Variants in LINGO2 observed in about 807,000 individuals in gnomAD.
LINGO2 encodes the protein leucine rich repeat and Ig domain containing 2.
In LINGO2, 14 loss-of-function variants were observed where a neutral mutation model predicts 30.6. The ratio of observed to expected loss-of-function variants is 0.46; its 90% CI spans 0.30 to 0.72. The LOEUF (loss-of-function observed/expected upper bound fraction) is 0.72, where lower values mean the gene tolerates loss of function less well. Ranked by LOEUF, LINGO2 falls within the 30% of genes least tolerant of loss-of-function variation. LINGO2 has a pLI of 0.07. For synonymous variants in LINGO2, 317 were observed against 288.5 expected (o/e 1.10, Z -1.00); for missense variants, 729 against 751.7 (o/e 0.97, Z 0.35).
At chr9:28,488,372 T>C (rs1826256201) in intron 1 of LINGO2, among the ~76,000 whole-genome samples, 1 of 152,112 alleles carries the variant, frequency 6.6e-6, no homozygotes, top group Admixed American at 6.5e-5. Context: ...TGAAATATAT[T>C]ACTTACTAAT....
intron 4 of LINGO2, among the ~76,000 whole-genome samples, chr9:28,163,260 A>G (rs2133609424): frequency 6.6e-6 from 1 of 152,238 alleles, no homozygotes; most frequent in South Asian, 2.1e-4. Flanking sequence ...AGAAGGTATC[A>G]ATCGAATCTG....
At chr9:28,848,403 A>AG in the LINGO2 span, among the ~76,000 whole-genome samples, 4 of 62,164 alleles carry the variant, frequency 6.4e-5, no homozygotes, top group African/African-American at 2.1e-4. Context: ...GTGTGTATAT[A>AG]TATATATATA....
the LINGO2 span, among the ~76,000 whole-genome samples, chr9:29,200,248 A>G: frequency 5.3e-5 from 8 of 152,228 alleles, no homozygotes; most frequent in African/African-American, 1.7e-4. Flanking sequence ...ACATTGGCCA[A>G]ATAGTAATGC....
At chr9:28,657,026 C>T (rs1828374692) in intron 1 of LINGO2, among the ~76,000 whole-genome samples, 2 of 152,074 alleles carry the variant, frequency 1.3e-5, no homozygotes, top group South Asian at 4.1e-4. Context: ...TAAGCCCAGG[C>T]AAGCCTTTAT....
At chr9:28,071,952 T>G (rs950030633) in intron 4 of LINGO2, among the ~76,000 whole-genome samples, 7 of 152,218 alleles carry the variant, frequency 4.6e-5, no homozygotes, top group African/African-American at 1.4e-4. Context: ...CATCCTATTA[T>G]ACACTATATA....
At chr9:28,879,853 G>T in the LINGO2 span, among the ~76,000 whole-genome samples, 1 of 151,598 alleles carries the variant, frequency 6.6e-6, no homozygotes, top group Non-Finnish European at 1.5e-5. Flanking sequence ...AAAACAAAAA[G>T]AAAAAAAAGT....
intron 2 of LINGO2, among the ~76,000 whole-genome samples, chr9:28,375,109 C>A (rs1381521293): frequency 3.7e-5 from 2 of 53,638 alleles, no homozygotes; most frequent in Admixed American, 4.1e-4. Context: ...CACACACACA[C>A]ACACACACAC....
intron 4 of LINGO2, among the ~76,000 whole-genome samples, chr9:28,206,155 A>T (rs1820400838): frequency 8.4e-6 from 1 of 118,590 alleles, no homozygotes; most frequent in Non-Finnish European, 1.7e-5. Flanking sequence ...ACAGAGTGAG[A>T]CCCTGTTTCA....
intron 1 of LINGO2, among the ~76,000 whole-genome samples, chr9:28,509,384 G>C (rs1820278954): frequency 6.6e-6 from 1 of 152,144 alleles, no homozygotes. Flanking sequence ...TCTGCTTTTT[G>C]ATTGAAGTTC....
At chr9:29,053,275 T>C in the LINGO2 span, among the ~76,000 whole-genome samples, 1 of 152,322 alleles carries the variant, frequency 6.6e-6, no homozygotes, top group East Asian at 1.9e-4. Flanking sequence ...TCAGTTGGGC[T>C]TTTAAAATCA....
chr9:28,830,229 C>G, the LINGO2 span, among the ~76,000 whole-genome samples: 16 of 152,106 alleles, frequency 1.1e-4, no homozygotes, highest in Non-Finnish European at 2.2e-4. Flanking sequence ...ATGCTTGCTT[C>G]TTGGGCTGAT....
the LINGO2 span, among the ~76,000 whole-genome samples, chr9:28,927,664 A>G: frequency 6.6e-6 from 1 of 152,190 alleles, no homozygotes; most frequent in Non-Finnish European, 1.5e-5. Context: ...CTGGATAAAT[A>G]TTACTTCCTT....
rs141128643 is a variant in LINGO2 at position 28,634,579 on chromosome 9, G to T, written c.-365+35621C>A. ...CAGCTCACTGCAACCACCGCCTTCCGAGTTCAAGCAATTCTCGTGCCTCAG... is the reference window on the plus strand; with the variant it reads ...CAGCTCACTGCAACCACCGCCTTCCTAGTTCAAGCAATTCTCGTGCCTCAG... On this transcript the variant is annotated intron_variant, in intron 1 of 5. Transcript: ENST00000379992. Among the ~76,000 whole-genome samples, 579 of 146,798 alleles carry T rather than the reference G, an allele frequency of 3.9e-3. 6 individuals are homozygous for T. Among genetic ancestry groups the T allele is most frequent in the African/African-American group, 0.014 (540 of 39,396 alleles).
Position 28,434,659 on chromosome 9 carries a change from C to T in LINGO2, c.-279+41281G>A, listed in dbSNP as rs540889655. 2.6e-5 allele frequency among the ~76,000 whole-genome samples: 4 copies of T among 152,066 alleles called. No homozygotes were observed. In the South Asian group the frequency reaches 6.2e-4, roughly 24 times the overall value. ...GCCATACATTCGTTATTCTCTTATG[C>T]TCTCAAGGCCAAATTTTTTATCACA... is the stretch of plus-strand genomic sequence containing the variant. On this transcript the variant is annotated intron_variant, in intron 2 of 5. Coordinates refer to ENST00000379992, the Ensembl canonical transcript of LINGO2.
At chr9:28,796,458 C>T in the LINGO2 span, among the ~76,000 whole-genome samples, 3 of 151,996 alleles carry the variant, frequency 2.0e-5, no homozygotes, top group African/African-American at 4.8e-5. Flanking sequence ...TCTGATACCA[C>T]AACATATGGC....
intron 4 of LINGO2, among the ~76,000 whole-genome samples, chr9:28,034,867 A>G (rs937677723): frequency 3.9e-5 from 6 of 152,230 alleles, no homozygotes; most frequent in African/African-American, 1.2e-4. Context: ...AAGCAAACCA[A>G]AATACCATTT....
chr9:27,971,214 T>G (rs1269257357), intron 5 of LINGO2, among the ~76,000 whole-genome samples: 1 of 151,884 alleles, frequency 6.6e-6, no homozygotes, highest in African/African-American at 2.4e-5. Context: ...TATTTTCACT[T>G]CTTTTTCTTG....
chr9:29,083,910 G>A, the LINGO2 span, among the ~76,000 whole-genome samples: 57 of 152,050 alleles, frequency 3.7e-4, no homozygotes, highest in African/African-American at 1.2e-3. Context: ...CTCATAGTAG[G>A]TATTATAAGT....
the LINGO2 span, among the ~76,000 whole-genome samples, chr9:28,682,298 A>G: frequency 6.6e-6 from 1 of 152,304 alleles, no homozygotes; most frequent in South Asian, 2.1e-4. Context: ...CTATTAACAC[A>G]GTGGTCTTTC....
Sources: gnomAD v4.1 joint callset for allele counts (sites outside exome capture counted in the v4.1 genomes callset) on GRCh38, gnomAD v4.1.1 for gene constraint, MANE v1.5 for transcripts, NCBI Gene and HGNC (gene_info 2026-07-23, HGNC 2026-07-21) for gene names.